Variants in KANK1 observed in about 807,000 individuals in gnomAD.
KANK1 encodes KN motif and ankyrin repeat domain-containing protein 1.
KANK1 carries 109 observed loss-of-function variants against 106.2 expected under a neutral mutation model. The observed-to-expected ratio is 1.03, with a 90% confidence interval of 0.88 to 1.20. The LOEUF (loss-of-function observed/expected upper bound fraction) is 1.20. Ranked by LOEUF, KANK1 falls within the 50% of genes most tolerant of loss-of-function variation. KANK1 has a pLI of 0.00. For missense variants in KANK1, 2,399 were observed against 1,710.7 expected (o/e 1.40, Z -7.10); for synonymous variants, 873 against 652.2 (o/e 1.34, Z -5.16).
At chr9:485,612 C>T (rs1439504726) in intron 3 of KANK1, among the ~76,000 whole-genome samples, 1 of 152,152 alleles carries the variant, frequency 6.6e-6, no homozygotes, top group Non-Finnish European at 1.5e-5. Context: ...GTGGTTCACG[C>T]CTGTAATCCC....
At chr9:597,059 C>A (rs1012360903) in intron 1 of KANK1, among the ~76,000 whole-genome samples, 1 of 151,890 alleles carries the variant, frequency 6.6e-6, no homozygotes, top group African/African-American at 2.4e-5. Flanking sequence ...GTTGTAATGT[C>A]TTAGCCATTT....
intron 1 of KANK1, among the ~76,000 whole-genome samples, chr9:536,318 G>A (rs1427794709): frequency 6.6e-6 from 1 of 152,084 alleles, no homozygotes; most frequent in Non-Finnish European, 1.5e-5. Flanking sequence ...CTCCAACTTG[G>A]GCAACAGAGC....
At chr9:717,889 G>C (rs1419380013) in intron 3 of KANK1, among the ~76,000 whole-genome samples, 1 of 152,078 alleles carries the variant, frequency 6.6e-6, no homozygotes, top group Non-Finnish European at 1.5e-5. Context: ...TTAACTGCCT[G>C]CCCCATGATT....
At chr9:584,595 C>T (rs1822991585) in intron 1 of KANK1, among the ~76,000 whole-genome samples, 1 of 152,180 alleles carries the variant, frequency 6.6e-6, no homozygotes, top group South Asian at 2.1e-4. Flanking sequence ...CATTTACCTA[C>T]AGCAGAAGAA....
intron 1 of KANK1, among the ~76,000 whole-genome samples, chr9:524,699 A>G (rs1375319730): frequency 6.6e-6 from 1 of 151,224 alleles, no homozygotes; most frequent in African/African-American, 2.5e-5. Context: ...TGTACTTTTA[A>G]TAGAGACGGC....
At chr9:624,313 G>A (rs1366155899) in intron 1 of KANK1, among the ~76,000 whole-genome samples, 1 of 152,154 alleles carries the variant, frequency 6.6e-6, no homozygotes, top group African/African-American at 2.4e-5. Context: ...AGCGTCCTTA[G>A]TCTTTTCCCT....
intron 1 of KANK1, among the ~76,000 whole-genome samples, chr9:603,639 T>A (rs138765714): frequency 3.3e-5 from 5 of 151,804 alleles, no homozygotes; most frequent in African/African-American, 1.2e-4. Flanking sequence ...TTAATTAATA[T>A]ACTCGTTTGA....
At chr9:600,201 AC>A (rs1187438405) in intron 1 of KANK1, among the ~76,000 whole-genome samples, 1 of 150,320 alleles carries the variant, frequency 6.7e-6, no homozygotes, top group Non-Finnish European at 1.5e-5. Context: ...ACAACTCCCC[AC>A]CCCCCTCTTC....
At chr9:607,885 C>T (rs1829622999) in intron 1 of KANK1, among the ~76,000 whole-genome samples, 1 of 151,526 alleles carries the variant, frequency 6.6e-6, no homozygotes, top group Non-Finnish European at 1.5e-5. Flanking sequence ...CTTTCATGTT[C>T]TTGGTACCTT....
intron 1 of KANK1, among the ~76,000 whole-genome samples, chr9:626,379 C>T (rs1376745245): frequency 6.6e-6 from 1 of 152,044 alleles, no homozygotes; most frequent in African/African-American, 2.4e-5. Context: ...TGCTTGAATT[C>T]AGGAGGCAGA....
At chr9:556,614 C>A (rs1264098104) in intron 1 of KANK1, among the ~76,000 whole-genome samples, 1 of 152,188 alleles carries the variant, frequency 6.6e-6, no homozygotes, top group Non-Finnish European at 1.5e-5. Flanking sequence ...ATTTTTAAAG[C>A]TAAAGTCCTT....
At chr9:569,372 G>T (rs1818607835) in intron 1 of KANK1, among the ~76,000 whole-genome samples, 1 of 152,016 alleles carries the variant, frequency 6.6e-6, no homozygotes, top group African/African-American at 2.4e-5. Flanking sequence ...CTCATGAATG[G>T]ATTAATCCAT....
chr9:635,377 C>G lies in KANK1; in HGVS notation c.-83-41513C>G, dbSNP rs1311679808. Among the ~76,000 whole-genome samples, 3 of 152,188 alleles carry G rather than the reference C, an allele frequency of 2.0e-5. 1 individual carries two copies. The South Asian group carries it at 6.2e-4, about 31-fold the overall frequency. On this transcript the variant is annotated intron_variant, in intron 1 of 11. Coordinates refer to ENST00000382297, the MANE Select transcript of KANK1 (RefSeq NM_015158.5). Reference sequence around the variant, plus strand: ...AAGGTCATATCTCTCTAGCTGGACCCTGAGGTCCTTTGGGGCATGCCTGCG... The same window carrying G: ...AAGGTCATATCTCTCTAGCTGGACCGTGAGGTCCTTTGGGGCATGCCTGCG...
chr9:473,538 C>T (rs2058054580), intron 3 of KANK1, among the ~76,000 whole-genome samples: 1 of 152,138 alleles, frequency 6.6e-6, no homozygotes, highest in Non-Finnish European at 1.5e-5. Context: ...TACAATGAGG[C>T]TTACTTGGGT....
upstream of KANK1, among the ~76,000 whole-genome samples, chr9:501,803 T>C (rs1230827002): frequency 6.6e-6 from 1 of 152,200 alleles, no homozygotes; most frequent in Non-Finnish European, 1.5e-5. Flanking sequence ...TCCTCCTGCT[T>C]TGGGATCTCC....
chr9:702,142 A>C (rs2130344525), intron 2 of KANK1, among the ~76,000 whole-genome samples: 1 of 152,262 alleles, frequency 6.6e-6, no homozygotes, highest in Admixed American at 6.5e-5. Flanking sequence ...GTGTTTGGTT[A>C]CCCCAAATTG....
At chr9:597,710 C>CTGGA (rs760531598) in intron 1 of KANK1, among the ~76,000 whole-genome samples, 3 of 151,432 alleles carry the variant, frequency 2.0e-5, no homozygotes, top group Non-Finnish European at 4.4e-5. Context: ...GTTGCCCAGG[C>CTGGA]TGGAGTACAG....
At chr9:614,312 A>C (rs1488659406) in intron 1 of KANK1, among the ~76,000 whole-genome samples, 2 of 152,176 alleles carry the variant, frequency 1.3e-5, no homozygotes, top group Non-Finnish European at 2.9e-5. Flanking sequence ...TCTCTCAGGA[A>C]ATGAGATTGT....
At chr9:668,634 A>T (rs1336553762) in intron 1 of KANK1, among the ~76,000 whole-genome samples, 1 of 151,878 alleles carries the variant, frequency 6.6e-6, no homozygotes, top group Admixed American at 6.6e-5. Context: ...TAGTGTGTTT[A>T]TCATAGGTTT....
Sources: gnomAD v4.1 joint callset for allele counts (sites outside exome capture counted in the v4.1 genomes callset) on GRCh38, gnomAD v4.1.1 for gene constraint, MANE v1.5 for transcripts, NCBI Gene and HGNC (gene_info 2026-07-23, HGNC 2026-07-21) for gene names.